The following CAMTA1 variants were observed in gnomAD, a reference collection of about 807,000 sequenced individuals.
CAMTA1 encodes the protein calmodulin-binding transcription activator 1.
CAMTA1 carries 27 observed loss-of-function variants against 170.9 expected under a neutral mutation model. The observed-to-expected ratio is 0.16, with a 90% confidence interval of 0.12 to 0.22. The LOEUF (loss-of-function observed/expected upper bound fraction) is 0.22, where lower values mean the gene tolerates loss of function less well. Ranked by LOEUF, CAMTA1 falls within the 10% of genes least tolerant of loss-of-function variation. The probability of loss-of-function intolerance (pLI) is 1.00; values close to 1 mark genes in which losing one functional copy is unlikely to be tolerated. For synonymous variants in CAMTA1, 833 were observed against 891.5 expected (o/e 0.93, Z 1.17); for missense variants, 1,619 against 2,217.2 (o/e 0.73, Z 5.42).
intron 5 of CAMTA1, among the ~76,000 whole-genome samples, chr1:7,383,530 C>A (rs548893478): frequency 6.6e-6 from 1 of 152,314 alleles, no homozygotes; most frequent in East Asian, 1.9e-4. Context: ...CGTAGGATAT[C>A]TACTTCATAG....
intron 5 of CAMTA1, chr1:7,382,547 T>C (rs2087458720): frequency 6.6e-6 from 1 of 152,214 alleles, no homozygotes; most frequent in Non-Finnish European, 1.5e-5. Flanking sequence ...GGCAAGCCAA[T>C]TAATTTATTC....
At chr1:7,624,372 G>A (rs767761692) in intron 6 of CAMTA1, among the ~76,000 whole-genome samples, 16 of 152,226 alleles carry the variant, frequency 1.1e-4, no homozygotes, top group Non-Finnish European at 2.1e-4. Flanking sequence ...CCAAGATGGG[G>A]AGTAGGGATT....
intron 3 of CAMTA1, among the ~76,000 whole-genome samples, chr1:6,954,181 C>G (rs191414065): frequency 6.6e-6 from 1 of 152,208 alleles, no homozygotes; most frequent in African/African-American, 2.4e-5. Context: ...CACATCATGG[C>G]TTTCTAAATG....
chr1:7,439,358 G>A (rs2092450544), intron 5 of CAMTA1, among the ~76,000 whole-genome samples: 1 of 152,186 alleles, frequency 6.6e-6, no homozygotes, highest in African/African-American at 2.4e-5. Flanking sequence ...GCCCCTCCCT[G>A]AGACTGTGCA....
intron 3 of CAMTA1, among the ~76,000 whole-genome samples, chr1:7,059,805 C>G: frequency 6.6e-6 from 1 of 152,126 alleles, no homozygotes; most frequent in Admixed American, 6.5e-5. Context: ...ATTTATTGAA[C>G]TTTTTATTGT....
intron 6 of CAMTA1, among the ~76,000 whole-genome samples, chr1:7,608,046 C>T (rs1427625608): frequency 6.6e-6 from 1 of 152,168 alleles, no homozygotes; most frequent in East Asian, 1.9e-4. Context: ...CCTCCTGAGC[C>T]CCTGTCCTCA....
chr1:7,627,830 A>G (rs2095643496), intron 6 of CAMTA1, among the ~76,000 whole-genome samples: 1 of 152,234 alleles, frequency 6.6e-6, no homozygotes, highest in Non-Finnish European at 1.5e-5. Context: ...AAACAAGCTA[A>G]GTCCCGGGAA....
At chr1:7,514,453 G>T (rs1032499638) in intron 6 of CAMTA1, among the ~76,000 whole-genome samples, 1 of 152,258 alleles carries the variant, frequency 6.6e-6, no homozygotes, top group Non-Finnish European at 1.5e-5. Context: ...CTATGATGTG[G>T]CATGGCATCA....
At position 6,834,783 on chromosome 1, in the gene CAMTA1, G is replaced by A. The variant is rs577980558; in HGVS notation, c.234+9573G>A. On this transcript the variant is annotated intron_variant, in intron 3 of 22. Coordinates refer to ENST00000303635, the MANE Select transcript of CAMTA1 (RefSeq NM_015215.4). ...CTTCTGAGTAGCTGGGTCTATAGGC[G>A]TGTGCCACGCCCAGCTAATTTATAC... Among the ~76,000 whole-genome samples the A allele has an allele frequency of 3.9e-5, 6 of 152,206 alleles. No homozygotes were observed. In the South Asian group the frequency reaches 1.0e-3, roughly 26 times the overall value.
chr1:7,383,194 A>T (rs1483198863), intron 5 of CAMTA1, among the ~76,000 whole-genome samples: 4 of 152,208 alleles, frequency 2.6e-5, no homozygotes, highest in African/African-American at 9.7e-5. Context: ...CGCCATCAAC[A>T]CACTAAGACC....
At position 6,870,231 on chromosome 1, in the gene CAMTA1, C is replaced by A. The variant is rs1668009351; in HGVS notation, c.234+45021C>A. On this transcript the variant is annotated intron_variant, in intron 3 of 22. Transcript: ENST00000303635. Reference sequence around the variant, plus strand: ...TTTCATGGGGTGTTGATTCCTTCTGCAGTGTTCAAAATTACTTGCATGCCT... The same window carrying A: ...TTTCATGGGGTGTTGATTCCTTCTGAAGTGTTCAAAATTACTTGCATGCCT... Among the ~76,000 whole-genome samples the A allele has an allele frequency of 2.0e-5, 3 of 152,040 alleles. No homozygotes were observed. In the South Asian group the frequency reaches 6.2e-4, roughly 32 times the overall value.
At chr1:6,853,364 G>A (rs1404939172) in intron 3 of CAMTA1, among the ~76,000 whole-genome samples, 1 of 152,218 alleles carries the variant, frequency 6.6e-6, no homozygotes, top group East Asian at 1.9e-4. Context: ...TTGAGACTTT[G>A]ATAAGTCAAG....
intron 6 of CAMTA1, among the ~76,000 whole-genome samples, chr1:7,485,136 T>C (rs909377367): frequency 5.7e-4 from 86 of 152,204 alleles, no homozygotes; most frequent in African/African-American, 2.0e-3. Context: ...CTTCTCTGGC[T>C]GCCCATCCCC....
intron 3 of CAMTA1, among the ~76,000 whole-genome samples, chr1:6,990,575 T>C (rs951995062): frequency 6.6e-6 from 1 of 152,146 alleles, no homozygotes; most frequent in Non-Finnish European, 1.5e-5. Context: ...TGCCGTGCGA[T>C]GAGTTTTGAC....
At chr1:7,109,437 C>T (rs1191997265) in intron 4 of CAMTA1, among the ~76,000 whole-genome samples, 1 of 152,190 alleles carries the variant, frequency 6.6e-6, no homozygotes, top group African/African-American at 2.4e-5. Flanking sequence ...TTCTGGGGCT[C>T]AGTTTCCTTC....
chr1:7,137,725 C>A (rs955353248), intron 4 of CAMTA1, among the ~76,000 whole-genome samples: 2 of 152,142 alleles, frequency 1.3e-5, no homozygotes, highest in East Asian at 3.9e-4. Flanking sequence ...TCCTGAGGCT[C>A]CCTCCCTCGT....
chr1:7,660,173 A>T (rs937593252), intron 7 of CAMTA1, among the ~76,000 whole-genome samples: 1 of 152,162 alleles, frequency 6.6e-6, no homozygotes, highest in East Asian at 1.9e-4. Context: ...CTCCCAGACG[A>T]TTCTTTTGCC....
At chr1:6,916,624 C>T (rs1181569387) in intron 3 of CAMTA1, among the ~76,000 whole-genome samples, 1 of 152,186 alleles carries the variant, frequency 6.6e-6, no homozygotes, top group Non-Finnish European at 1.5e-5. Context: ...CTACTTTCTC[C>T]ACAAGCTTGT....
At chr1:7,116,522 C>T (rs1287450095) in intron 4 of CAMTA1, among the ~76,000 whole-genome samples, 4 of 152,156 alleles carry the variant, frequency 2.6e-5, no homozygotes, top group African/African-American at 4.8e-5. Context: ...GAATAGAATC[C>T]TTCTAGAGTT....
Sources: allele counts gnomAD v4.1 joint callset (sites outside exome capture counted in the v4.1 genomes callset), GRCh38; gene constraint gnomAD v4.1.1; transcripts MANE v1.5; gene names NCBI Gene and HGNC (gene_info 2026-07-23, HGNC 2026-07-21).